The following ME3 variants were observed in gnomAD, a reference collection of about 807,000 sequenced individuals.
The protein encoded by ME3 is malic enzyme 3.
In ME3, 48 loss-of-function variants were observed where a neutral mutation model predicts 68.9. The ratio of observed to expected loss-of-function variants is 0.70; its 90% confidence interval spans 0.55 to 0.89. ME3 has a LOEUF of 0.89. ME3 is among the 40% of genes least tolerant of loss of function. ME3 has a pLI of 0.00. For synonymous variants in ME3, 320 were observed against 318.8 expected, an observed-to-expected ratio of 1.00 and a Z score of -0.04; for missense variants, 675 against 797.4, an observed-to-expected ratio of 0.85 and a Z score of 1.85.
At chr11:86,459,595 T>C (rs1950124488) in intron 8 of ME3, among the ~76,000 whole-genome samples, 1 of 152,226 alleles carries the variant, frequency 6.6e-6, no homozygotes, top group Non-Finnish European at 1.5e-5. Flanking sequence ...AAAAAAACCC[T>C]GACCATTCTG....
intron 2 of ME3, among the ~76,000 whole-genome samples, chr11:86,618,818 A>G (rs1386000449): frequency 6.6e-6 from 1 of 151,798 alleles, no homozygotes; most frequent in African/African-American, 2.4e-5. Flanking sequence ...CCTGGGTTCA[A>G]GCGATTATCC....
chr11:86,449,480 G>C (rs1949510248), intron 10 of ME3, among the ~76,000 whole-genome samples: 1 of 152,216 alleles, frequency 6.6e-6, no homozygotes, highest in Admixed American at 6.5e-5. Flanking sequence ...TAACATTTGA[G>C]CACTATCAGA....
At position 86,648,495 on chromosome 11, in the gene ME3, T is replaced by G. The variant is rs574112577; in HGVS notation, c.183+23267A>C. ...AAGATAAGAACAGAACTGAAGGAGA[T>G]AGAGACACAAAAAACCTTTCAAAAA... On this transcript the variant is annotated intron_variant, in intron 2 of 14. Transcript: ENST00000543262. Among the ~76,000 whole-genome samples the G allele has an allele frequency of 3.3e-5, 4 of 119,476 alleles. 1 individual carries two copies. The highest frequency in any genetic ancestry group is 2.7e-4 in the Admixed American group (3 of 10,948). 78.4% of individuals were successfully genotyped at this position (119,476 alleles called of 152,430 possible).
chr11:86,617,101 G>GGA (rs950287875), intron 2 of ME3, among the ~76,000 whole-genome samples: 1 of 120,184 alleles, frequency 8.3e-6, no homozygotes, highest in Non-Finnish European at 1.6e-5. Flanking sequence ...CAAGCGATCT[G>GGA]GAGCCAGTAT....
At chr11:86,652,482 T>C (rs1423671442) in intron 2 of ME3, among the ~76,000 whole-genome samples, 1 of 152,024 alleles carries the variant, frequency 6.6e-6, no homozygotes, top group East Asian at 1.9e-4. Flanking sequence ...GAATTTCATA[T>C]CCAGCCAAAC....
chr11:86,550,982 A>G (rs1956644793), intron 4 of ME3, among the ~76,000 whole-genome samples: 1 of 151,790 alleles, frequency 6.6e-6, no homozygotes, highest in Admixed American at 6.6e-5. Context: ...GTGCACATGC[A>G]TGTGCATGTG....
intron 4 of ME3, among the ~76,000 whole-genome samples, chr11:86,533,091 T>C (rs1955381024): frequency 6.6e-6 from 1 of 150,792 alleles, no homozygotes; most frequent in Non-Finnish European, 1.5e-5. Flanking sequence ...CCTAATCTTA[T>C]ACCTCAAGGA....
intron 4 of ME3, among the ~76,000 whole-genome samples, chr11:86,526,570 T>A (rs11234676): frequency 0.22 from 32,759 of 152,178 alleles, 4,381 homozygotes; most frequent in Non-Finnish European, 0.31. Context: ...GACTGCCTCC[T>A]CAAGTGGGTC....
chr11:86,488,957 G>C (rs1328575998), intron 6 of ME3, among the ~76,000 whole-genome samples: 1 of 152,202 alleles, frequency 6.6e-6, no homozygotes, highest in African/African-American at 2.4e-5. Flanking sequence ...GGTAGGAAGA[G>C]ATAGGCAGAT....
intron 4 of ME3, among the ~76,000 whole-genome samples, chr11:86,539,291 T>A (rs1361273870): frequency 6.6e-6 from 1 of 152,120 alleles, no homozygotes; most frequent in East Asian, 1.9e-4. Context: ...ATCTTCCCAA[T>A]GTGAATCAAA....
At chr11:86,457,425 T>G (rs1323272559) in intron 8 of ME3, 2 of 897,920 alleles carry the variant, frequency 2.2e-6, no homozygotes, top group Non-Finnish European at 1.4e-6. Flanking sequence ...GTTCTCAGCC[T>G]TCTTCTTTCT....
chr11:86,482,010 A>G (rs1421738949), intron 7 of ME3, among the ~76,000 whole-genome samples: 1 of 152,200 alleles, frequency 6.6e-6, no homozygotes, highest in Non-Finnish European at 1.5e-5. Flanking sequence ...TCTTACCAAC[A>G]ATATCCTAGT....
At chr11:86,527,505 A>T (rs1341135686) in intron 4 of ME3, among the ~76,000 whole-genome samples, 1 of 152,196 alleles carries the variant, frequency 6.6e-6, no homozygotes, top group African/African-American at 2.4e-5. Flanking sequence ...AATTCAGAGA[A>T]TGCCACAAAG....
chr11:86,455,133 T>TG (rs1949842914), intron 8 of ME3, among the ~76,000 whole-genome samples: 1 of 152,256 alleles, frequency 6.6e-6, no homozygotes, highest in Non-Finnish European at 1.5e-5. Flanking sequence ...CTAAGGATAC[T>TG]GGGACTTCCT....
intron 4 of ME3, among the ~76,000 whole-genome samples, chr11:86,510,994 T>A (rs1449051987): frequency 6.6e-6 from 1 of 152,190 alleles, no homozygotes. Flanking sequence ...TCCAACCCCT[T>A]GAAATCATCC....
At chr11:86,670,150 A>C (rs1264714785) in intron 2 of ME3, among the ~76,000 whole-genome samples, 2 of 152,192 alleles carry the variant, frequency 1.3e-5, no homozygotes, top group Admixed American at 6.5e-5. Flanking sequence ...ATCTAATCAG[A>C]GTCAATAAGG....
At chr11:86,609,769 G>A (rs1345536842) in intron 2 of ME3, among the ~76,000 whole-genome samples, 1 of 152,168 alleles carries the variant, frequency 6.6e-6, no homozygotes, top group Non-Finnish European at 1.5e-5. Flanking sequence ...AATGTTCTTC[G>A]ACATAGGCAT....
At chr11:86,495,481 A>G (rs938684392) in intron 6 of ME3, among the ~76,000 whole-genome samples, 1 of 152,218 alleles carries the variant, frequency 6.6e-6, no homozygotes, top group Non-Finnish European at 1.5e-5. Flanking sequence ...ATCTGTTCCA[A>G]TTCTTGCCTA....
intron 2 of ME3, among the ~76,000 whole-genome samples, chr11:86,596,246 G>C (rs1024159770): frequency 6.6e-6 from 1 of 152,116 alleles, no homozygotes; most frequent in South Asian, 2.1e-4. Context: ...GATGGATTGA[G>C]GGGTCTTTGA....
Sources: allele counts gnomAD v4.1 joint callset (sites outside exome capture counted in the v4.1 genomes callset), GRCh38; gene constraint gnomAD v4.1.1; transcripts MANE v1.5; gene names NCBI Gene and HGNC (gene_info 2026-07-23, HGNC 2026-07-21).